The following LENG1 variants were observed in gnomAD, a reference collection of about 807,000 sequenced individuals.
LENG1 encodes leukocyte receptor cluster (LRC) member 1.
Under a neutral mutation model 28.8 loss-of-function variants are expected in LENG1, and 35 were observed. That is an observed-to-expected ratio of 1.22 (90% CI 0.93 to 1.61). The LOEUF (loss-of-function observed/expected upper bound fraction) is 1.61. Ranked by LOEUF, LENG1 falls within the 40% of genes most tolerant of loss-of-function variation. The pLI is 0.00. For synonymous variants in LENG1, 170 were observed against 140.6 expected (o/e 1.21, Z -1.48); for missense variants, 404 against 348.9 (o/e 1.16, Z -1.26).
In LENG1 at chr19:54,155,848, C is replaced by T. The variant is rs983888899; in HGVS notation, c.668G>A (p.Gly223Asp). ...CGGCTGACCCTCCTGTAGTGCCCGG[C>T]CTTGGACCCGGGCCAGCAGGGCCTC... Reference protein sequence around the residue: ...RAEALLARVQGRALQEGQPEE... With the variant: ...RAEALLARVQDRALQEGQPEE... The change falls in exon 4 of 4, where the codon GGC (glycine) becomes GAC (aspartate). Residue 223 changes from glycine to aspartate, a missense_variant. Transcript: ENST00000222224. The T allele has an allele frequency of 1.2e-6, 2 of 1,612,870 alleles. No individual in the cohort carries two copies. Among genetic ancestry groups the T allele is most frequent in the Admixed American group, 1.7e-5 (1 of 59,968 alleles).
At chr19:54,156,091 G>C (rs1477211864) in intron 3 of LENG1, 151 bp from the exon 4 acceptor site, 1 of 677,424 alleles carries the variant, frequency 1.5e-6, no homozygotes, top group Non-Finnish European at 2.5e-6. Flanking sequence ...GCAGCCACTT[G>C]GTGCTGGGAC....
At chr19:54,157,116 T>C (rs936395936) in intron 2 of LENG1, 91 bp from the exon 3 acceptor site, 39 of 1,087,910 alleles carry the variant, frequency 3.6e-5, no homozygotes, top group Non-Finnish European at 5.0e-5. Flanking sequence ...CGAACAGGTA[T>C]CTAAGGCTTG....
Position 54,155,906 on chromosome 19 carries a change from G to C in LENG1, c.610C>G (p.Leu204Val). The C allele has an allele frequency of 2.5e-6, 4 of 1,612,280 alleles. No homozygotes were observed. Among genetic ancestry groups the C allele is most frequent in the Non-Finnish European group, 3.4e-6 (4 of 1,179,582 alleles). The part of the protein sequence containing the change: ...PSLDQLRAER[L>V]RREAAERSRA... ...GACCTCTCAGCTGCTTCCCTCCGCA[G>C]ACGTTCAGCTCGAAGCTGGTCCAGG... Residue 204 changes from leucine (L) to valine (V), a missense_variant, in exon 4 of 4, where the codon CTG becomes GTG. Physicochemically the swap from Leu to Val is conservative, Grantham distance 32. Transcript: ENST00000222224.
intron 2 of LENG1, 105 bp downstream of exon 2, chr19:54,158,177 G>C: frequency 9.6e-7 from 1 of 1,044,670 alleles, no homozygotes; most frequent in Non-Finnish European, 1.4e-6. Flanking sequence ...CCTAAATTCT[G>C]TGTGTTCACT....
At chr19:54,158,625 G>A (rs1425666418) in intron 1 of LENG1, among the ~76,000 whole-genome samples, 164 bp from the exon 2 acceptor site, 2 of 152,224 alleles carry the variant, frequency 1.3e-5, no homozygotes, top group African/African-American at 4.8e-5. Context: ...GGTGAGGGTA[G>A]GCAGATGAGG....
rs777954153 is a variant in LENG1 at position 54,159,651 on chromosome 19, G to GTCCTTGT, written c.38_44dup (p.Asp15GlufsTer11). 1 of 1,613,546 alleles carries GTCCTTGT rather than the reference G, an allele frequency of 6.2e-7. No homozygotes were observed. Among genetic ancestry groups the GTCCTTGT allele is most frequent in the Admixed American group, 1.7e-5 (1 of 59,960 alleles). ...CGTCACGCCGCACGCGGGCGACATT[G>GTCCTTGT]TCCTTGTTCCGGACGTGCCAGCTCT... On this transcript the variant is annotated frameshift_variant, in exon 1 of 4. Transcript: ENST00000222224. LOFTEE classifies it high-confidence loss of function.
At position 54,155,348 on chromosome 19, in the gene LENG1, C is replaced by G. The variant is rs1396149563; in HGVS notation, c.*373G>C. 1 of 1,612,848 alleles carries G rather than the reference C, an allele frequency of 6.2e-7. No individual in the cohort carries two copies. Among genetic ancestry groups the G allele is most frequent in the African/African-American group, 1.3e-5 (1 of 75,032 alleles). On this transcript the variant is annotated 3_prime_UTR_variant, in exon 4 of 4. Transcript: ENST00000222224. ...CTTTGACTACGAGAAGTGGGGCCAG[C>G]GGAAGAAGGAAGGCTTCACCTTTGA... is the stretch of plus-strand genomic sequence containing the variant.
intron 3 of LENG1, 42 bp downstream of exon 3, chr19:54,156,721 T>C: frequency 6.4e-7 from 1 of 1,563,412 alleles, no homozygotes; most frequent in Non-Finnish European, 8.7e-7. Context: ...TGCCAAGCCC[T>C]GAAGGTCTGG....
Position 54,155,804 on chromosome 19 carries a change from C to T in LENG1, c.712G>A (p.Asp238Asn), listed in dbSNP as rs1411827571. The T allele has an allele frequency of 1.2e-6, 2 of 1,612,164 alleles. No individual in the cohort carries two copies. Among genetic ancestry groups the T allele is most frequent in the Admixed American group, 1.7e-5 (1 of 59,914 alleles). ...TGGGAGTTGTACCGCCGCCGCCGGT[C>T]ATCCGTCTCGTCTTCTTCCGGCTGA... ...EGQPEEDETDDRRRRYNSQFN... is the reference protein window; with the variant it reads ...EGQPEEDETDNRRRRYNSQFN... The change falls in exon 4 of 4, where the codon GAC (aspartate) becomes AAC (asparagine). Residue 238 changes from aspartate (D) to asparagine (N), a missense_variant. By Grantham distance (23) the Asp-to-Asn change is conservative (BLOSUM62 1). Coordinates refer to ENST00000222224, the MANE Select transcript of LENG1 (RefSeq NM_024316.3).
intron 2 of LENG1, among the ~76,000 whole-genome samples, 157 bp downstream of exon 2, chr19:54,158,125 G>A (rs1325938459): frequency 1.3e-5 from 2 of 152,224 alleles, no homozygotes; most frequent in Non-Finnish European, 2.9e-5. Context: ...GCGCCCAGAC[G>A]GCAATAGCCA....
At chr19:54,158,160 G>C (rs2075429446) in intron 2 of LENG1, 122 bp downstream of exon 2, 12 of 929,568 alleles carry the variant, frequency 1.3e-5, no homozygotes, top group Admixed American at 8.6e-5. Context: ...TCATGCCTTG[G>C]TATGGTCCTA....
At chr19:54,158,948 A>G (rs2075447331) in intron 1 of LENG1, among the ~76,000 whole-genome samples, 1 of 152,230 alleles carries the variant, frequency 6.6e-6, no homozygotes, top group South Asian at 2.1e-4. Flanking sequence ...AGCTAAGGAA[A>G]TGAAAGTTGG....
At position 54,156,916 on chromosome 19, in the gene LENG1, G is replaced by A. The variant is rs200941758; in HGVS notation, c.422C>T (p.Pro141Leu). The A allele has an allele frequency of 2.9e-5, 47 of 1,607,372 alleles. No homozygotes were observed. The highest frequency in any genetic ancestry group is 2.1e-4 in the African/African-American group (16 of 74,906). The stretch of plus-strand genomic sequence containing the variant: ...CTTCTCATCTGGGGCTGGGCCGGGC[G>A]GGGGGCCCCCTCGCCCTGGGGGTAG... ...YQLPPGRGGP[P>L]PGPAPDEKIK... The change falls in exon 3 of 4, where the codon CCG becomes CTG. Residue 141 changes from proline (P) to leucine (L), a missense_variant. Transcript: ENST00000222224.
At position 54,155,718 on chromosome 19, in the gene LENG1, G is replaced by A; in HGVS notation, c.*3C>T. ...AGCGGCCTCTCCTGTACCCCCTCAG[G>A]AGTCAGTGAGTAAGGTGAGGGTCCT... On this transcript the variant is annotated 3_prime_UTR_variant, in exon 4 of 4. Coordinates refer to ENST00000222224, the MANE Select transcript of LENG1 (RefSeq NM_024316.3). The A allele has an allele frequency of 6.2e-7, 1 of 1,607,886 alleles. No individual in the cohort carries two copies. Among genetic ancestry groups the A allele is most frequent in the East Asian group, 2.2e-5 (1 of 44,788 alleles).
In LENG1 at chr19:54,156,990, G is replaced by A. The variant is rs1444485165; in HGVS notation, c.348C>T (p.Tyr116=). Reference sequence around the variant, plus strand: ...GTGCCTCCGCTGCACTCTGGCCCAGGTATGTCAGGATGCCCAGAGCTTTCT... The same window carrying A: ...GTGCCTCCGCTGCACTCTGGCCCAGATATGTCAGGATGCCCAGAGCTTTCT... ...RQEKALGILT[Y]LGQSAAEAQT... is the part of the protein sequence containing the mutation. The change falls in exon 3 of 4, where the codon TAC becomes TAT. Residue 116 remains tyrosine (Y), a synonymous_variant. Transcript: ENST00000222224. 2 of 1,576,708 alleles carry A rather than the reference G, an allele frequency of 1.3e-6. No homozygotes were observed. The highest frequency in any genetic ancestry group is 1.7e-6 in the Non-Finnish European group (2 of 1,159,754).
At position 54,158,185 on chromosome 19, in the gene LENG1, A is replaced by G. The variant is rs1442738092; in HGVS notation, c.312+97T>C. 3.6e-6 allele frequency: 4 copies of G among 1,106,468 alleles called. No homozygotes were observed. The Admixed American group carries it at 6.0e-5, about 17-fold the overall frequency. 68.5% of individuals were successfully genotyped at this position (1,106,468 alleles called of 1,614,324 possible). A position where few individuals can be genotyped will look rare whatever the true frequency, so the allele number is the denominator to read the frequency against. ...GTATGGTCCTAAATTCTGTGTGTTC[A>G]CTCTTGTTTGACCTTGGTCACAACC... On this transcript the variant is annotated intron_variant, in intron 2 of 3. Transcript: ENST00000222224.
chr19:54,159,433 T>C (rs1329461522), intron 1 of LENG1, 131 bp downstream of exon 1: 26 of 975,224 alleles, frequency 2.7e-5, no homozygotes, highest in Non-Finnish European at 3.8e-5. Context: ...TCCTCGAAAG[T>C]GGGATCGGCG....
chr19:54,158,566 T>G (rs578087866), intron 1 of LENG1, 105 bp from the exon 2 acceptor site: 10 of 1,108,800 alleles, frequency 9.0e-6, no homozygotes, highest in Admixed American at 6.8e-5. Context: ...GCTGGGGTTA[T>G]GAGAAAGGGA....
intron 1 of LENG1, 22 bp from the exon 2 acceptor site, chr19:54,158,483 G>A (rs2075438366): frequency 6.2e-7 from 1 of 1,604,928 alleles, no homozygotes; most frequent in East Asian, 2.2e-5. Flanking sequence ...GTTATAGGCA[G>A]GACATTCAGA....
Sources: allele counts gnomAD v4.1 joint callset (sites outside exome capture counted in the v4.1 genomes callset), GRCh38; gene constraint gnomAD v4.1.1; transcripts MANE v1.5; gene names NCBI Gene and HGNC (gene_info 2026-07-23, HGNC 2026-07-21).